The following UNC13C variants were observed in gnomAD, a reference collection of about 807,000 sequenced individuals.
The protein encoded by UNC13C is protein unc-13 homolog C.
UNC13C carries 174 observed loss-of-function variants against 245.4 expected under a neutral mutation model. The ratio of observed to expected loss-of-function variants is 0.71; its 90% CI spans 0.63 to 0.80. The LOEUF is 0.80. UNC13C is among the 30% of genes least tolerant of loss of function. UNC13C has a pLI of 0.00. For synonymous variants in UNC13C, 992 were observed against 895.1 expected (o/e 1.11, Z -1.93); for missense variants, 2,829 against 2,602.9 (o/e 1.09, Z -1.89).
the UNC13C span, among the ~76,000 whole-genome samples, chr15:53,918,974 C>T: frequency 6.6e-6 from 1 of 152,176 alleles, no homozygotes; most frequent in African/African-American, 2.4e-5. Flanking sequence ...TTTCTTTCTC[C>T]TATTTTAGTT....
At chr15:53,994,220 G>C (rs1276475567) in intron 1 of UNC13C, among the ~76,000 whole-genome samples, 2 of 125,034 alleles carry the variant, frequency 1.6e-5, no homozygotes, top group Non-Finnish European at 3.4e-5. Context: ...AACTGGACTT[G>C]ATATTTAAAT....
At chr15:54,127,925 T>C (rs546428334) in intron 2 of UNC13C, among the ~76,000 whole-genome samples, 2 of 151,530 alleles carry the variant, frequency 1.3e-5, no homozygotes, top group Admixed American at 1.3e-4. Context: ...GCCAGAGCAG[T>C]CAGGCAAGAG....
At chr15:54,079,968 T>A (rs1178649263) in intron 2 of UNC13C, among the ~76,000 whole-genome samples, 1 of 150,330 alleles carries the variant, frequency 6.7e-6, no homozygotes, top group Non-Finnish European at 1.5e-5. Flanking sequence ...GCTTTGATTA[T>A]TTTGAGGTAC....
chr15:54,534,203 G>C (rs904993032), intron 26 of UNC13C, among the ~76,000 whole-genome samples: 1 of 152,010 alleles, frequency 6.6e-6, no homozygotes, highest in African/African-American at 2.4e-5. Flanking sequence ...GAACACCTTC[G>C]CCCCTCCAGT....
At chr15:54,594,524 T>A (rs1596637984) in intron 30 of UNC13C, among the ~76,000 whole-genome samples, 1 of 151,212 alleles carries the variant, frequency 6.6e-6, no homozygotes, top group Non-Finnish European at 1.5e-5. Flanking sequence ...GGGATGGGGG[T>A]GAGAGTCCCA....
At chr15:54,506,886 A>G (rs561864763) in intron 22 of UNC13C, among the ~76,000 whole-genome samples, 9 of 151,380 alleles carry the variant, frequency 5.9e-5, no homozygotes, top group Non-Finnish European at 1.3e-4. Flanking sequence ...ACATTCATGC[A>G]TCTTTAAGTA....
At chr15:54,245,619 C>T (rs974755928) in intron 7 of UNC13C, among the ~76,000 whole-genome samples, 1 of 152,080 alleles carries the variant, frequency 6.6e-6, no homozygotes, top group Non-Finnish European at 1.5e-5. Flanking sequence ...GGATTTTATC[C>T]TAGCATTGCT....
chr15:54,256,740 T>A (rs1231568459), intron 8 of UNC13C, among the ~76,000 whole-genome samples: 1 of 152,194 alleles, frequency 6.6e-6, no homozygotes, highest in African/African-American at 2.4e-5. Flanking sequence ...TTTCAGGTAT[T>A]CCTGAAGGCT....
At chr15:54,133,194 A>AT (rs1336230922) in intron 2 of UNC13C, among the ~76,000 whole-genome samples, 5 of 152,082 alleles carry the variant, frequency 3.3e-5, no homozygotes, top group African/African-American at 1.2e-4. Flanking sequence ...AAATATTCTT[A>AT]TTTTACTTAT....
chr15:53,854,122 G>GTTTTTTT, the UNC13C span, among the ~76,000 whole-genome samples: 1 of 133,578 alleles, frequency 7.5e-6, no homozygotes, highest in Admixed American at 7.7e-5. Flanking sequence ...GTTTTTATAG[G>GTTTTTTT]TTTTTTTTTT....
At chr15:54,127,682 G>A (rs1595887232) in intron 2 of UNC13C, among the ~76,000 whole-genome samples, 1 of 148,452 alleles carries the variant, frequency 6.7e-6, no homozygotes, top group African/African-American at 2.5e-5. Flanking sequence ...TTCTGCACAT[G>A]TATCCCAGAA....
intron 13 of UNC13C, among the ~76,000 whole-genome samples, chr15:54,303,403 A>T (rs1004117171): frequency 1.8e-4 from 28 of 152,182 alleles, no homozygotes; most frequent in African/African-American, 6.8e-4. Flanking sequence ...TTAAAAGAAA[A>T]GATTAAGTTA....
the UNC13C span, among the ~76,000 whole-genome samples, chr15:53,884,666 A>C: frequency 1.3e-5 from 2 of 152,064 alleles, no homozygotes; most frequent in East Asian, 3.9e-4. Flanking sequence ...CTTCCATTCC[A>C]TTCCATTCTG....
the UNC13C span, among the ~76,000 whole-genome samples, chr15:53,933,302 A>T: frequency 6.6e-6 from 1 of 152,166 alleles, no homozygotes; most frequent in African/African-American, 2.4e-5. Flanking sequence ...TTCAAATTTT[A>T]TAGATATATA....
chr15:53,924,599 A>T, the UNC13C span, among the ~76,000 whole-genome samples: 1 of 152,200 alleles, frequency 6.6e-6, no homozygotes, highest in Non-Finnish European at 1.5e-5. Context: ...AACAATGCTG[A>T]TTATCTTGTG....
chr15:53,984,560 G>A (rs1214017822), intron 1 of UNC13C, among the ~76,000 whole-genome samples: 1 of 152,064 alleles, frequency 6.6e-6, no homozygotes, highest in South Asian at 2.1e-4. Context: ...ACACTATAAA[G>A]ACCATTGCTT....
At chr15:54,441,703 AT>A (rs77178188) in intron 19 of UNC13C, among the ~76,000 whole-genome samples, 82,551 of 150,480 alleles carry the variant, frequency 0.55, 22,627 homozygotes, top group East Asian at 0.7. Flanking sequence ...GAATTTTAGG[AT>A]TTTTTTTTTC....
At position 54,627,152 on chromosome 15, in the gene UNC13C, T is replaced by C; in HGVS notation, c.*39T>C. On this transcript the variant is annotated 3_prime_UTR_variant, in exon 33 of 33. Coordinates refer to ENST00000260323, the MANE Select transcript of UNC13C (RefSeq NM_001080534.3). ...AGCTAAATACATAACTATAATTGTT[T>C]GACTACTGCATGCATGTGCAAATAC... is the stretch of plus-strand genomic sequence containing the variant. The C allele has an allele frequency of 6.4e-7, 1 of 1,560,196 alleles. No homozygotes were observed. Among genetic ancestry groups the C allele is most frequent in the Non-Finnish European group, 8.7e-7 (1 of 1,151,786 alleles).
the UNC13C span, among the ~76,000 whole-genome samples, chr15:53,909,639 G>A: frequency 2.0e-5 from 3 of 146,572 alleles, 1 homozygote; most frequent in Non-Finnish European, 4.6e-5. Flanking sequence ...CCAGCTACTC[G>A]GGAGGCTGAG....
Sources: allele counts gnomAD v4.1 joint callset (sites outside exome capture counted in the v4.1 genomes callset), GRCh38; gene constraint gnomAD v4.1.1; transcripts MANE v1.5; gene names NCBI Gene and HGNC (gene_info 2026-07-23, HGNC 2026-07-21).